ADAP2: variants seen among roughly 807,000 people sequenced by gnomAD.
ADAP2 encodes the protein ArfGAP with dual PH domains 2.
Under a neutral mutation model 54.9 loss-of-function variants are expected in ADAP2, and 42 were observed. The ratio of observed to expected loss-of-function variants is 0.77; its 90% CI spans 0.60 to 0.99. ADAP2 has a LOEUF of 0.99. ADAP2 is among the 50% of genes least tolerant of loss of function. ADAP2 has a pLI of 0.00. For synonymous variants in ADAP2, 177 were observed against 180.1 expected (o/e 0.98, Z 0.14); for missense variants, 429 against 480.4 (o/e 0.89, Z 1.00).
chr17:30,934,078 G>T, intron 4 of ADAP2, 107 bp from the exon 5 acceptor site: 1 of 741,006 alleles, frequency 1.3e-6, no homozygotes, highest in South Asian at 1.8e-5. Flanking sequence ...AGATACTTTG[G>T]CAGCAGATGG....
intron 6 of ADAP2, among the ~76,000 whole-genome samples, chr17:30,945,920 G>A (rs1287111298): frequency 1.3e-5 from 2 of 151,246 alleles, no homozygotes; most frequent in Non-Finnish European, 2.9e-5. Flanking sequence ...TTGGGAGGCC[G>A]AGGCAGGCGG....
chr17:30,937,845 A>T (rs1430219465), intron 5 of ADAP2, among the ~76,000 whole-genome samples: 1 of 152,180 alleles, frequency 6.6e-6, no homozygotes, highest in African/African-American at 2.4e-5. Flanking sequence ...CCCTAAGGGG[A>T]TGCTCAAAAG....
At chr17:30,935,231 G>C (rs1911787025) in intron 5 of ADAP2, among the ~76,000 whole-genome samples, 1 of 152,186 alleles carries the variant, frequency 6.6e-6, no homozygotes, top group South Asian at 2.1e-4. Context: ...AGCTGGGCGT[G>C]GTGGTGCATG....
At chr17:30,934,864 T>C (rs1911756721) in intron 5 of ADAP2, among the ~76,000 whole-genome samples, 1 of 151,820 alleles carries the variant, frequency 6.6e-6, no homozygotes, top group South Asian at 2.1e-4. Flanking sequence ...TGAAGCCCCA[T>C]CTCTACAAAA....
At chr17:30,927,371 T>C (rs1206010217) in intron 3 of ADAP2, among the ~76,000 whole-genome samples, 4 of 151,978 alleles carry the variant, frequency 2.6e-5, no homozygotes, top group Non-Finnish European at 5.9e-5. Flanking sequence ...CCCAGCACTT[T>C]GGGAAGCCGA....
intron 5 of ADAP2, among the ~76,000 whole-genome samples, chr17:30,934,597 C>T (rs1279029617): frequency 6.6e-6 from 1 of 152,164 alleles, no homozygotes; most frequent in African/African-American, 2.4e-5. Context: ...GTGTGCTAGA[C>T]ATTATTCCAG....
chr17:30,925,391 A>G (rs1244299193), intron 2 of ADAP2, among the ~76,000 whole-genome samples: 1 of 140,206 alleles, frequency 7.1e-6, no homozygotes, highest in East Asian at 2.2e-4. Flanking sequence ...GGGTTTCGCC[A>G]TGTTGGCCAG....
intron 6 of ADAP2, 77 bp downstream of exon 6, chr17:30,945,130 T>G: frequency 6.6e-7 from 1 of 1,506,918 alleles, no homozygotes. Flanking sequence ...CCACCTCCCC[T>G]GCTCACTGGT....
chr17:30,926,850 C>T lies in ADAP2; in HGVS notation c.249C>T (p.Leu83=), dbSNP rs1488737804. ...AGTTTATGATCCACAATGGAAACCTCCGTGTGAAGGCCAAGTTCGAAGCCA... is the reference window on the plus strand; with the variant it reads ...AGTTTATGATCCACAATGGAAACCTTCGTGTGAAGGCCAAGTTCGAAGCCA... ...IVEFMIHNGN[L]RVKAKFEARV... is the part of the protein sequence containing the mutation. Residue 83 remains leucine, a synonymous_variant, in exon 3 of 11, where the codon CTC becomes CTT. Coordinates refer to ENST00000330889, the MANE Select transcript of ADAP2 (RefSeq NM_018404.3). 2.5e-6 allele frequency: 4 copies of T among 1,614,206 alleles called. No individual in the cohort carries two copies. Among genetic ancestry groups the T allele is most frequent in the Non-Finnish European group, 3.4e-6 (4 of 1,180,038 alleles).
At chr17:30,922,638 C>T (rs1449141599) in intron 1 of ADAP2, among the ~76,000 whole-genome samples, 2 of 152,220 alleles carry the variant, frequency 1.3e-5, no homozygotes, top group Non-Finnish European at 2.9e-5. Context: ...AGCCTCCCCA[C>T]CTGCAGCTCC....
chr17:30,955,638 C>T (rs1385905412), intron 9 of ADAP2, among the ~76,000 whole-genome samples: 1 of 149,586 alleles, frequency 6.7e-6, no homozygotes, highest in South Asian at 2.1e-4. Context: ...AACCGGGAGG[C>T]AGAGGGTGCA....
At chr17:30,935,055 A>C (rs927170742) in intron 5 of ADAP2, among the ~76,000 whole-genome samples, 2 of 152,036 alleles carry the variant, frequency 1.3e-5, no homozygotes, top group African/African-American at 2.4e-5. Context: ...CCTGTCTCAA[A>C]AAACAAAACA....
chr17:30,944,992 A>T lies in ADAP2; in HGVS notation c.596A>T (p.Gln199Leu), dbSNP rs1170953483. 6.2e-7 allele frequency: 1 copy of T among 1,614,044 alleles called. No homozygotes were observed. Among genetic ancestry groups the T allele is most frequent in the East Asian group, 2.2e-5 (1 of 44,888 alleles). Reference sequence around the variant, plus strand: ...AAGATAGGGCACCCCCATGGGCTGCAGATCACCTACAGGAGAGATGGCCAC... The same window carrying T: ...AAGATAGGGCACCCCCATGGGCTGCTGATCACCTACAGGAGAGATGGCCAC... ...TEKIGHPHGL[Q>L]ITYRRDGHTR... The change falls in exon 6 of 11, where the codon CAG becomes CTG. Residue 199 changes from glutamine (Q) to leucine (L), a missense_variant. Gln to Leu is a moderately radical substitution (Grantham distance 113, BLOSUM62 -2). Coordinates refer to ENST00000330889, the MANE Select transcript of ADAP2 (RefSeq NM_018404.3).
chr17:30,956,494 T>C, intron 10 of ADAP2, 25 bp downstream of exon 10: 2 of 1,609,334 alleles, frequency 1.2e-6, no homozygotes, highest in Non-Finnish European at 1.7e-6. Context: ...CTGAGGGGTG[T>C]TCTTTTGGAC....
rs550071544 is a variant in ADAP2, at chr17:30,924,094, C to T, written c.225+1024C>T. On this transcript the variant is annotated intron_variant, in intron 2 of 10. Transcript: ENST00000330889. Reference sequence around the variant, plus strand: ...CTGTCAGTTAACAGTTGCTGTTGTACGGGTGTGGTGGCTCACACCTATAAT... The same window carrying T: ...CTGTCAGTTAACAGTTGCTGTTGTATGGGTGTGGTGGCTCACACCTATAAT... 1.4e-4 allele frequency among the ~76,000 whole-genome samples: 21 copies of T among 152,176 alleles called. No individual in the cohort carries two copies. In the South Asian group the frequency reaches 3.3e-3, roughly 24 times the overall value.
At chr17:30,930,554 A>G (rs2142518628) in intron 3 of ADAP2, among the ~76,000 whole-genome samples, 1 of 152,124 alleles carries the variant, frequency 6.6e-6, no homozygotes, top group South Asian at 2.1e-4. Flanking sequence ...CTTCCTTCAC[A>G]CAGCTGGCAG....
intron 7 of ADAP2, 28 bp from the exon 8 acceptor site, chr17:30,953,260 G>C: frequency 6.2e-7 from 1 of 1,613,290 alleles, no homozygotes; most frequent in Non-Finnish European, 8.5e-7. Context: ...GTGTGAGTTG[G>C]GGGTCAGTGT....
At position 30,921,987 on chromosome 17, in the gene ADAP2, G is replaced by A; in HGVS notation, c.-28G>A. On this transcript the variant is annotated 5_prime_UTR_variant, in exon 1 of 11. It removes the in-frame stop codon of an upstream open reading frame in the 5' UTR. Transcript: ENST00000330889. ...GGGCGGAGCGCACGGGCCATGGGCTGAGCCCCGCTGAGCCCGCCGGGCCGG... is the reference window on the plus strand; with the variant it reads ...GGGCGGAGCGCACGGGCCATGGGCTAAGCCCCGCTGAGCCCGCCGGGCCGG... The A allele has an allele frequency of 8.0e-7, 1 of 1,256,076 alleles. No homozygotes were observed. The highest frequency in any genetic ancestry group is 1.0e-6 in the Non-Finnish European group (1 of 1,002,162). 77.8% of individuals were successfully genotyped at this position (1,256,076 alleles called of 1,614,324 possible). A position where few individuals can be genotyped will look rare whatever the true frequency, so the allele number is the denominator to read the frequency against.
rs1319557487 is a variant in ADAP2, at chr17:30,922,035, C to G, written c.21C>G (p.Asn7Lys). 11 of 1,277,102 alleles carry G rather than the reference C, an allele frequency of 8.6e-6. No homozygotes were observed. Among genetic ancestry groups the G allele is most frequent in the African/African-American group, 1.6e-5 (1 of 64,392 alleles). The allele number at this position is 1,277,102 out of a possible 1,614,324, so 79.1% of individuals were successfully genotyped here. MGDRER[N>K]KKRLLELLRA... is the part of the protein sequence containing the mutation. ...CGGCCATGGGCGATCGCGAGCGCAA[C>G]AAGAAGCGGCTGCTGGAGCTGCTGC... Residue 7 changes from asparagine (N) to lysine (K), a missense_variant, in exon 1 of 11, where the codon AAC (asparagine) becomes AAG (lysine). Coordinates refer to ENST00000330889, the MANE Select transcript of ADAP2 (RefSeq NM_018404.3).
Sources: gnomAD v4.1 joint callset for allele counts (sites outside exome capture counted in the v4.1 genomes callset) on GRCh38, gnomAD v4.1.1 for gene constraint, MANE v1.5 for transcripts, NCBI Gene and HGNC (gene_info 2026-07-23, HGNC 2026-07-21) for gene names.